Variants in SLC9C1 observed in about 807,000 individuals in gnomAD.
SLC9C1 encodes sodium/hydrogen exchanger 10.
Under a neutral mutation model 140.9 loss-of-function variants are expected in SLC9C1, and 97 were observed. The ratio of observed to expected loss-of-function variants is 0.69; its 90% confidence interval spans 0.58 to 0.82. SLC9C1 has a LOEUF of 0.82. SLC9C1 is among the 40% of genes least tolerant of loss of function. The pLI, the probability that SLC9C1 is intolerant of heterozygous loss-of-function variation, is 0.00. For synonymous variants in SLC9C1, 440 were observed against 442.6 expected (o/e 0.99, Z 0.07); for missense variants, 1,340 against 1,389.3 (o/e 0.96, Z 0.56).
At chr3:112,188,509 GT>G (rs1422733583) in intron 20 of SLC9C1, among the ~76,000 whole-genome samples, 1 of 151,922 alleles carries the variant, frequency 6.6e-6, no homozygotes, top group African/African-American at 2.4e-5. Flanking sequence ...CCTTGCAATA[GT>G]TTGCTGAGAA....
chr3:112,151,959 C>T lies in SLC9C1; in HGVS notation c.3422G>A (p.Gly1141Glu). 1 of 1,589,110 alleles carries T rather than the reference C, an allele frequency of 6.3e-7. No homozygotes were observed. Among genetic ancestry groups the T allele is most frequent in the Non-Finnish European group, 8.5e-7 (1 of 1,173,022 alleles). Reference sequence around the variant, plus strand: ...CCTGGCAGTGGCGGCACTGTGTGCTCCATCCTGGGATTCAAAACACTTTGT... The same window carrying T: ...CCTGGCAGTGGCGGCACTGTGTGCTTCATCCTGGGATTCAAAACACTTTGT... ...IQEERNVKED[G>E]AHSAATARSP... The change falls in exon 28 of 29, where the codon GGA becomes GAA. Residue 1141 changes from glycine (G) to glutamate (E), a missense_variant. By Grantham distance (98) the Gly-to-Glu change is moderately conservative. Transcript: ENST00000305815.
intron 26 of SLC9C1, among the ~76,000 whole-genome samples, chr3:112,160,517 G>C (rs1465049303): frequency 1.3e-5 from 2 of 150,354 alleles, no homozygotes; most frequent in Non-Finnish European, 2.9e-5. Context: ...AGAGTATGCG[G>C]TGTTTGGTTT....
intron 6 of SLC9C1, among the ~76,000 whole-genome samples, chr3:112,273,639 G>A (rs1459010395): frequency 2.0e-5 from 3 of 152,112 alleles, no homozygotes; most frequent in Non-Finnish European, 4.4e-5. Flanking sequence ...TTAGGATAAG[G>A]CAGGAATAGG....
intron 2 of SLC9C1, among the ~76,000 whole-genome samples, chr3:112,285,469 G>T (rs928508786): frequency 1.2e-4 from 18 of 152,212 alleles, no homozygotes; most frequent in African/African-American, 4.1e-4. Context: ...CTGAGCTCCT[G>T]AGCTCAAGCA....
At chr3:112,207,388 A>G (rs1014843741) in intron 16 of SLC9C1, among the ~76,000 whole-genome samples, 4 of 152,194 alleles carry the variant, frequency 2.6e-5, no homozygotes, top group African/African-American at 9.7e-5. Flanking sequence ...GGCTCTGGAT[A>G]AAATCTGAGC....
intron 26 of SLC9C1, among the ~76,000 whole-genome samples, chr3:112,164,225 C>G (rs1027553353): frequency 6.6e-6 from 1 of 151,310 alleles, no homozygotes; most frequent in Non-Finnish European, 1.5e-5. Context: ...ACTCTTTATA[C>G]AATTTGCCAG....
intron 15 of SLC9C1, among the ~76,000 whole-genome samples, chr3:112,209,283 G>A (rs1213188402): frequency 1.3e-5 from 2 of 152,130 alleles, no homozygotes; most frequent in Non-Finnish European, 2.9e-5. Flanking sequence ...GGCCCTCCAA[G>A]GCCTCTGGCA....
At chr3:112,144,570 A>G (rs1033246609) in intron 28 of SLC9C1, among the ~76,000 whole-genome samples, 3 of 152,174 alleles carry the variant, frequency 2.0e-5, no homozygotes, top group Admixed American at 2.0e-4. Flanking sequence ...TGATTCTTCT[A>G]ATCCACAAGC....
intron 12 of SLC9C1, among the ~76,000 whole-genome samples, chr3:112,238,375 T>G (rs1161988968): frequency 6.6e-6 from 1 of 152,214 alleles, no homozygotes; most frequent in East Asian, 1.9e-4. Context: ...TTTTTCAAGT[T>G]TTTTAACTTC....
chr3:112,206,618 A>C (rs945604451), intron 16 of SLC9C1, among the ~76,000 whole-genome samples: 1 of 152,200 alleles, frequency 6.6e-6, no homozygotes, highest in African/African-American at 2.4e-5. Flanking sequence ...GATAGACTGG[A>C]TTAAGAAAAT....
chr3:112,158,034 C>T (rs1335166187), intron 26 of SLC9C1, among the ~76,000 whole-genome samples: 2 of 151,946 alleles, frequency 1.3e-5, no homozygotes, highest in Non-Finnish European at 2.9e-5. Context: ...ATTGCTCTGG[C>T]TTGGACCACA....
At chr3:112,288,536 C>T (rs2080585600) in intron 1 of SLC9C1, among the ~76,000 whole-genome samples, 1 of 152,206 alleles carries the variant, frequency 6.6e-6, no homozygotes, top group Non-Finnish European at 1.5e-5. Flanking sequence ...ATGGGAGGAT[C>T]CCTTGAGGCC....
chr3:112,230,952 C>T (rs1253871732), intron 13 of SLC9C1, among the ~76,000 whole-genome samples: 1 of 152,128 alleles, frequency 6.6e-6, no homozygotes, highest in African/African-American at 2.4e-5. Flanking sequence ...TGGCTTGGAT[C>T]CAGAGATGGG....
At chr3:112,274,165 A>T (rs960532013) in intron 6 of SLC9C1, among the ~76,000 whole-genome samples, 3 of 152,228 alleles carry the variant, frequency 2.0e-5, no homozygotes, top group Admixed American at 6.5e-5. Flanking sequence ...ATTGAAAATG[A>T]CTTTTCTAGG....
At chr3:112,242,284 G>A (rs1161621431) in intron 11 of SLC9C1, among the ~76,000 whole-genome samples, 2 of 152,144 alleles carry the variant, frequency 1.3e-5, no homozygotes, top group African/African-American at 2.4e-5. Context: ...CAAAGGTTAA[G>A]TGTCCATCAA....
chr3:112,252,606 C>T (rs571978275), intron 10 of SLC9C1, among the ~76,000 whole-genome samples: 158 of 152,292 alleles, frequency 1.0e-3, no homozygotes, highest in Admixed American at 1.7e-3. Context: ...GGTCTCCAGC[C>T]ACCCCTGCTG....
In SLC9C1 at chr3:112,208,360, G is replaced by A. The variant is rs779690767; in HGVS notation, c.1804C>T (p.Arg602Cys). ...GTAAATACTATTGTATGGCATATACGAAAAAAGAAGTATCTGTAAAACAAA... is the reference window on the plus strand; with the variant it reads ...GTAAATACTATTGTATGGCATATACAAAAAAAGAAGTATCTGTAAAACAAA... ...KEGPSKYFFF[R>C]ICHTIVFTEE... Residue 602 changes from arginine to cysteine, a missense_variant, in exon 16 of 29, where the codon CGT (arginine) becomes TGT (cysteine). Transcript: ENST00000305815. 1.2e-5 allele frequency: 18 copies of A among 1,540,424 alleles called. 1 individual carries two copies. The highest frequency in any genetic ancestry group is 2.5e-5 in the South Asian group (2 of 79,358).
In SLC9C1 at chr3:112,227,719, T is replaced by C. The variant is rs1169421942; in HGVS notation, c.1572+3642A>G. 2.6e-5 allele frequency among the ~76,000 whole-genome samples: 4 copies of C among 152,168 alleles called. No homozygotes were observed. The East Asian group carries it at 5.8e-4, about 22-fold the overall frequency. On this transcript the variant is annotated intron_variant, in intron 13 of 28. Coordinates refer to ENST00000305815, the MANE Select transcript of SLC9C1 (RefSeq NM_183061.3). ...GAACTGTTAAACCAATTTAATGAAG[T>C]TGCAGGATACAATATTAACAAACAA...
At chr3:112,232,294 C>A (rs2078849949) in intron 12 of SLC9C1, among the ~76,000 whole-genome samples, 1 of 152,128 alleles carries the variant, frequency 6.6e-6, no homozygotes, top group South Asian at 2.1e-4. Flanking sequence ...TTAAAATATT[C>A]CTGGATCCCT....
Sources: allele counts gnomAD v4.1 joint callset (sites outside exome capture counted in the v4.1 genomes callset), GRCh38; gene constraint gnomAD v4.1.1; transcripts MANE v1.5; gene names NCBI Gene and HGNC (gene_info 2026-07-23, HGNC 2026-07-21).